EMILIN2: variants seen among roughly 807,000 people sequenced by gnomAD.
EMILIN2 encodes the protein elastin microfibril interfacer 2, also known as EMILIN-2.
Under a neutral mutation model 87.1 loss-of-function variants are expected in EMILIN2, and 71 were observed. The observed-to-expected ratio is 0.82, with a 90% CI of 0.67 to 0.99. The LOEUF is 0.99. EMILIN2 is among the 50% of genes least tolerant of loss of function. EMILIN2 has a pLI of 0.00. For missense variants in EMILIN2, 1,407 were observed against 1,371.8 expected (o/e 1.03, Z -0.40); for synonymous variants, 581 against 563.4 (o/e 1.03, Z -0.44).
intron 7 of EMILIN2, among the ~76,000 whole-genome samples, chr18:2,910,421 C>T (rs1001569548): frequency 2.6e-5 from 4 of 152,184 alleles, no homozygotes; most frequent in African/African-American, 9.7e-5. Flanking sequence ...AGTTTACCTC[C>T]GAGTTCCCTG....
chr18:2,877,460 CAAAA>C (rs2076755050), intron 2 of EMILIN2, among the ~76,000 whole-genome samples: 3 of 120,134 alleles, frequency 2.5e-5, no homozygotes, highest in Admixed American at 8.8e-5. Flanking sequence ...TTTTTACAAA[CAAAA>C]CATTTGTCAT....
intron 2 of EMILIN2, among the ~76,000 whole-genome samples, chr18:2,875,347 G>A (rs187733994): frequency 9.2e-5 from 14 of 152,340 alleles, no homozygotes; most frequent in African/African-American, 2.6e-4. Context: ...TGGCCGTGCC[G>A]TGGGAACACT....
Position 2,847,866 on chromosome 18 carries a change from T to A in EMILIN2, c.192T>A (p.Ser64Arg). 6.2e-7 allele frequency: 1 copy of A among 1,613,484 alleles called. No homozygotes were observed. The highest frequency in any genetic ancestry group is 8.5e-7 in the Non-Finnish European group (1 of 1,179,778). ...KNVSCSVLEG[S>R]ESFIQAQYNC... is the part of the protein sequence containing the mutation. ...TGAGCTGCTCCGTGCTGGAGGGAAG[T>A]GAGAGTTTTATTCAGGCTCAGTACA... The change falls in exon 2 of 8, where the codon AGT becomes AGA. Residue 64 changes from serine to arginine, a missense_variant. Physicochemically the swap from Ser to Arg is moderately radical, Grantham distance 110. Coordinates refer to ENST00000254528, the MANE Select transcript of EMILIN2 (RefSeq NM_032048.3). This position sits in a 1 kb window ranked among gnomAD's most constrained non-coding sequence, Gnocchi z 4.5.
chr18:2,887,964 C>A (rs974906538), intron 3 of EMILIN2, among the ~76,000 whole-genome samples: 2 of 152,092 alleles, frequency 1.3e-5, no homozygotes. Flanking sequence ...CTGCACTCGA[C>A]CTGGAACTTA....
In EMILIN2 at chr18:2,890,291, TC is replaced by T. The variant is rs2076827967; in HGVS notation, c.434-269del. Among the ~76,000 whole-genome samples, 1 of 152,220 alleles carries T rather than the reference TC, an allele frequency of 6.6e-6. No individual in the cohort carries two copies. The highest frequency in any genetic ancestry group is 6.5e-5 in the Admixed American group (1 of 15,278). On this transcript the variant is annotated intron_variant, in intron 3 of 7. Transcript: ENST00000254528. This position sits in a 1 kb window ranked among gnomAD's most constrained non-coding sequence, Gnocchi z 4.7. ...TTTTAACAGCTCTAGAAGCTGTTCT[TC>T]TTTATAGATGAGAGGATTATAGTTC...
intron 4 of EMILIN2, among the ~76,000 whole-genome samples, chr18:2,904,665 G>T (rs1375405829): frequency 6.6e-6 from 1 of 152,166 alleles, no homozygotes; most frequent in Non-Finnish European, 1.5e-5. Context: ...ACTTCTCTGA[G>T]GGTAGGATGT....
intron 2 of EMILIN2, among the ~76,000 whole-genome samples, chr18:2,857,589 A>T (rs1354834489): frequency 6.6e-6 from 1 of 152,174 alleles, no homozygotes; most frequent in African/African-American, 2.4e-5. Context: ...TTGCGACAGA[A>T]CTCAGGGCGT....
intron 2 of EMILIN2, among the ~76,000 whole-genome samples, chr18:2,879,429 C>T (rs1281211067): frequency 6.6e-6 from 1 of 152,064 alleles, no homozygotes; most frequent in Non-Finnish European, 1.5e-5. Flanking sequence ...GAGGCCAAGG[C>T]GGGCGGATCA....
chr18:2,903,481 C>T (rs1054761048), intron 4 of EMILIN2, among the ~76,000 whole-genome samples: 1 of 152,178 alleles, frequency 6.6e-6, no homozygotes, highest in Admixed American at 6.5e-5. Flanking sequence ...TGTTTCTTTT[C>T]TTTGGTACTT....
At chr18:2,909,538 G>C (rs1255109432) in intron 6 of EMILIN2, among the ~76,000 whole-genome samples, 153 bp from the exon 7 acceptor site, 1 of 152,214 alleles carries the variant, frequency 6.6e-6, no homozygotes, top group Non-Finnish European at 1.5e-5. Flanking sequence ...GGAACCCTCT[G>C]GCTGTTGGGC....
At chr18:2,897,481 G>C (rs2076868765) in intron 4 of EMILIN2, among the ~76,000 whole-genome samples, 1 of 152,228 alleles carries the variant, frequency 6.6e-6, no homozygotes, top group Non-Finnish European at 1.5e-5. Flanking sequence ...GGTGGCTCCG[G>C]TGATGCTGTA....
At chr18:2,846,921 G>A, upstream of EMILIN2, 2 of 991,210 alleles carry the variant, frequency 2.0e-6, no homozygotes, top group Non-Finnish European at 2.4e-6. The surrounding 1 kb of genome is among the most constrained non-coding windows in gnomAD (Gnocchi z 5.3). Flanking sequence ...GTTTCGGAGA[G>A]GGAAGTGAAA....
At chr18:2,889,069 G>A (rs939104721) in intron 3 of EMILIN2, among the ~76,000 whole-genome samples, 38 of 146,942 alleles carry the variant, frequency 2.6e-4, no homozygotes, top group African/African-American at 9.5e-4. Flanking sequence ...GTTTGTCAGT[G>A]TTAACCTCTT....
chr18:2,894,581 G>C lies in EMILIN2; in HGVS notation c.2359+2095G>C, dbSNP rs1300895053. Among the ~76,000 whole-genome samples, 3 of 152,336 alleles carry C rather than the reference G, an allele frequency of 2.0e-5. No homozygotes were observed. The East Asian group carries it at 5.8e-4, about 29-fold the overall frequency. On this transcript the variant is annotated intron_variant, in intron 4 of 7. Transcript: ENST00000254528. This position sits in a 1 kb window ranked among gnomAD's most constrained non-coding sequence, Gnocchi z 5.0. Reference sequence around the variant, plus strand: ...TTGATTTGGAACTCCCTGGTGGCGTGGGAAGCTGTGTTAACATTTTCGCAT... The same window carrying C: ...TTGATTTGGAACTCCCTGGTGGCGTCGGAAGCTGTGTTAACATTTTCGCAT...
intron 7 of EMILIN2, among the ~76,000 whole-genome samples, chr18:2,910,141 G>A (rs937463494): frequency 1.4e-4 from 21 of 151,902 alleles, no homozygotes; most frequent in East Asian, 5.9e-4. Context: ...GGCACAGCCC[G>A]CCATGCCCTG....
At chr18:2,865,304 A>G (rs2076681073) in intron 2 of EMILIN2, among the ~76,000 whole-genome samples, 1 of 151,944 alleles carries the variant, frequency 6.6e-6, no homozygotes, top group Admixed American at 6.6e-5. Context: ...TGATTTTTAG[A>G]GTTTCCAGTT....
At chr18:2,872,934 C>T (rs1005222110) in intron 2 of EMILIN2, among the ~76,000 whole-genome samples, 3 of 151,772 alleles carry the variant, frequency 2.0e-5, no homozygotes, top group Non-Finnish European at 2.9e-5. Context: ...CTTTTTGAGT[C>T]GTGGGCTAGC....
At chr18:2,879,642 CAG>C (rs1164808038) in intron 2 of EMILIN2, among the ~76,000 whole-genome samples, 3 of 151,972 alleles carry the variant, frequency 2.0e-5, no homozygotes, top group South Asian at 2.1e-4. Context: ...GCCTGAGCGA[CAG>C]AGAGAGACTC....
intron 3 of EMILIN2, among the ~76,000 whole-genome samples, chr18:2,889,687 C>CTTTTCTTTTTTTTTTTTT: frequency 9.8e-6 from 1 of 101,798 alleles, no homozygotes; most frequent in Non-Finnish European, 2.1e-5. Flanking sequence ...TTCTTTTTTT[C>CTTTTCTTTTTTTTTTTTT]TTTTCTTTTT....
Sources: allele counts gnomAD v4.1 joint callset (sites outside exome capture counted in the v4.1 genomes callset), GRCh38; gene constraint gnomAD v4.1.1; non-coding constraint Gnocchi (gnomAD v3.1); transcripts MANE v1.5; gene names NCBI Gene and HGNC (gene_info 2026-07-23, HGNC 2026-07-21).